Variants in SCHIP1 observed in about 807,000 individuals in gnomAD.
SCHIP1 encodes the protein schwannomin-interacting protein 1.
SCHIP1 carries 8 observed loss-of-function variants against 29.7 expected under a neutral mutation model. That is an observed-to-expected ratio of 0.27 (90% confidence interval 0.16 to 0.49). The LOEUF is 0.49. SCHIP1 is among the 20% of genes least tolerant of loss of function. The pLI, the probability that SCHIP1 is intolerant of heterozygous loss-of-function variation, is 0.99. For missense variants in SCHIP1, 193 were observed against 294.6 expected (o/e 0.66, Z 2.52); for synonymous variants, 76 against 94.9 (o/e 0.80, Z 1.16).
At chr3:159,495,673 C>T in the SCHIP1 span, among the ~76,000 whole-genome samples, 1,445 of 152,216 alleles carry the variant, frequency 9.5e-3, 31 homozygotes, top group African/African-American at 0.034. Flanking sequence ...GTGAAAATGG[C>T]CATACTGCCC....
chr3:159,366,867 T>C, the SCHIP1 span, among the ~76,000 whole-genome samples: 1 of 152,222 alleles, frequency 6.6e-6, no homozygotes, highest in Non-Finnish European at 1.5e-5. Context: ...ATTTATTTTT[T>C]ATTTAACAAA....
chr3:159,476,765 A>G, the SCHIP1 span, among the ~76,000 whole-genome samples: 22 of 152,170 alleles, frequency 1.4e-4, no homozygotes, highest in Non-Finnish European at 2.6e-4. Flanking sequence ...AATAAAATCA[A>G]CCTAATTAAC....
the SCHIP1 span, among the ~76,000 whole-genome samples, chr3:159,507,819 A>T: frequency 1.4e-3 from 220 of 152,308 alleles, no homozygotes; most frequent in Non-Finnish European, 2.0e-3. Context: ...GATGAAGCCC[A>T]CTTGATCATA....
the SCHIP1 span, among the ~76,000 whole-genome samples, chr3:159,478,652 T>C: frequency 7.5e-4 from 115 of 152,326 alleles, no homozygotes; most frequent in African/African-American, 2.5e-3. Flanking sequence ...CATTGAATTT[T>C]AGATCACTTT....
At chr3:159,362,735 G>A in the SCHIP1 span, among the ~76,000 whole-genome samples, 8 of 152,124 alleles carry the variant, frequency 5.3e-5, no homozygotes, top group Non-Finnish European at 7.3e-5. Flanking sequence ...TCCTAACACT[G>A]AGCATGTGCT....
chr3:159,444,695 A>G, the SCHIP1 span, among the ~76,000 whole-genome samples: 1 of 152,192 alleles, frequency 6.6e-6, no homozygotes. Flanking sequence ...GTAGCAAATC[A>G]TATGCAGAAT....
the SCHIP1 span, among the ~76,000 whole-genome samples, chr3:159,364,007 T>C: frequency 6.6e-6 from 1 of 152,224 alleles, no homozygotes; most frequent in African/African-American, 2.4e-5. Flanking sequence ...GCAAACTTTC[T>C]CTTTCTTTTT....
chr3:159,700,826 A>G, the SCHIP1 span, among the ~76,000 whole-genome samples: 2 of 151,958 alleles, frequency 1.3e-5, no homozygotes, highest in African/African-American at 4.8e-5. Flanking sequence ...AAAAAAAAAA[A>G]AGAGAGATGC....
chr3:159,516,634 G>T, the SCHIP1 span, among the ~76,000 whole-genome samples: 1 of 151,950 alleles, frequency 6.6e-6, no homozygotes, highest in African/African-American at 2.4e-5. Flanking sequence ...TCTATCCCAA[G>T]ATCTCCTCCT....
chr3:159,847,454 A>G (rs950869209), intron 1 of SCHIP1, among the ~76,000 whole-genome samples: 1 of 152,222 alleles, frequency 6.6e-6, no homozygotes, highest in African/African-American at 2.4e-5. Flanking sequence ...ACTTCCTGAA[A>G]TAGAAAGTAA....
chr3:159,455,175 A>C, the SCHIP1 span, among the ~76,000 whole-genome samples: 1 of 152,166 alleles, frequency 6.6e-6, no homozygotes, highest in Non-Finnish European at 1.5e-5. Context: ...TTTCTTGGGG[A>C]GGGCAATCAC....
the SCHIP1 span, among the ~76,000 whole-genome samples, chr3:159,463,686 C>A: frequency 1.5e-3 from 233 of 152,094 alleles, 1 homozygote; most frequent in African/African-American, 5.4e-3. Flanking sequence ...CTCCCCAAAA[C>A]CTTCCCTTGT....
chr3:159,768,010 A>T, the SCHIP1 span, among the ~76,000 whole-genome samples: 1 of 152,166 alleles, frequency 6.6e-6, no homozygotes, highest in Admixed American at 6.5e-5. Context: ...ACAACAACAC[A>T]ACCCATACCT....
chr3:159,792,012 G>A, the SCHIP1 span, among the ~76,000 whole-genome samples: 1 of 152,074 alleles, frequency 6.6e-6, no homozygotes, highest in Admixed American at 6.6e-5. Context: ...ATGAACGTGT[G>A]TGCCCATAAT....
the SCHIP1 span, among the ~76,000 whole-genome samples, chr3:159,829,617 C>A: frequency 6.6e-6 from 1 of 152,164 alleles, no homozygotes; most frequent in Admixed American, 6.5e-5. Context: ...ATTTATCCTG[C>A]CAGGTGAAGT....
the SCHIP1 span, among the ~76,000 whole-genome samples, chr3:159,666,489 T>G: frequency 6.6e-6 from 1 of 152,210 alleles, no homozygotes; most frequent in Non-Finnish European, 1.5e-5. Context: ...ATTTCCTTCC[T>G]TGTTACAAAT....
the SCHIP1 span, among the ~76,000 whole-genome samples, chr3:159,344,735 T>C: frequency 6.6e-6 from 1 of 152,218 alleles, no homozygotes; most frequent in Admixed American, 6.5e-5. Context: ...AATTCTGGAA[T>C]AGAAAAAGTT....
chr3:159,819,898 A>G, the SCHIP1 span, among the ~76,000 whole-genome samples: 215 of 152,298 alleles, frequency 1.4e-3, no homozygotes, highest in Admixed American at 5.2e-3. Flanking sequence ...CCCTTAGGTG[A>G]GGCGTAGCCC....
the SCHIP1 span, among the ~76,000 whole-genome samples, chr3:159,587,690 A>T: frequency 1.1e-4 from 16 of 152,010 alleles, no homozygotes; most frequent in African/African-American, 3.9e-4. Context: ...TCATTGTTCA[A>T]TTCCCACCTG....
Sources: allele counts gnomAD v4.1 joint callset (sites outside exome capture counted in the v4.1 genomes callset), GRCh38; gene constraint gnomAD v4.1.1; transcripts MANE v1.5; gene names NCBI Gene and HGNC (gene_info 2026-07-23, HGNC 2026-07-21).